Variants in LINGO2 observed in about 807,000 individuals in gnomAD.
The protein encoded by LINGO2 is leucine rich repeat and Ig domain containing 2.
LINGO2 carries 14 observed loss-of-function variants against 30.6 expected under a neutral mutation model. The ratio of observed to expected loss-of-function variants is 0.46; its 90% CI spans 0.30 to 0.72. The LOEUF (loss-of-function observed/expected upper bound fraction) is 0.72. Ranked by LOEUF, LINGO2 falls within the 30% of genes least tolerant of loss-of-function variation. The probability of loss-of-function intolerance (pLI) is 0.07; values close to 1 mark genes in which losing one functional copy is unlikely to be tolerated. For missense variants in LINGO2, 729 were observed against 751.7 expected, an observed-to-expected ratio of 0.97 and a Z score of 0.35; for synonymous variants, 317 against 288.5, an observed-to-expected ratio of 1.10 and a Z score of -1.00.
Position 28,030,248 on chromosome 9 carries a change from ACTT to A in LINGO2, c.-86-17846_-86-17844del, listed in dbSNP as rs149801115. 5.9e-3 allele frequency among the ~76,000 whole-genome samples: 899 copies of A among 152,280 alleles called. 8 individuals are homozygous for A. The highest frequency in any genetic ancestry group is 0.021 in the African/African-American group (852 of 41,558). On this transcript the variant is annotated intron_variant, in intron 4 of 5. Coordinates refer to ENST00000379992, the Ensembl canonical transcript of LINGO2. ...ACACTAACTTGGAACATGAGAAAAC[ACTT>A]CTTAAGTGAGGCCATTTCTGAGATT...
chr9:27,970,474 G>T (rs1187096589), intron 5 of LINGO2, among the ~76,000 whole-genome samples: 1 of 149,492 alleles, frequency 6.7e-6, no homozygotes, highest in African/African-American at 2.6e-5. Flanking sequence ...GAGGTTTTGA[G>T]CTGGAATTGA....
the LINGO2 span, among the ~76,000 whole-genome samples, chr9:29,025,995 TGTTC>T: frequency 6.6e-6 from 1 of 152,150 alleles, no homozygotes; most frequent in South Asian, 2.1e-4. Flanking sequence ...GAGTGAATAC[TGTTC>T]CATTGTGCAG....
At chr9:29,209,830 A>T in the LINGO2 span, among the ~76,000 whole-genome samples, 1 of 152,260 alleles carries the variant, frequency 6.6e-6, no homozygotes, top group Admixed American at 6.5e-5. Flanking sequence ...AAAGAGAAAT[A>T]TTTACATAAA....
At chr9:28,415,427 T>C (rs1311915132) in intron 2 of LINGO2, among the ~76,000 whole-genome samples, 1 of 152,208 alleles carries the variant, frequency 6.6e-6, no homozygotes, top group Non-Finnish European at 1.5e-5. Context: ...TCCCATTATA[T>C]TGACAATAAA....
At chr9:28,830,091 T>C in the LINGO2 span, among the ~76,000 whole-genome samples, 1 of 152,072 alleles carries the variant, frequency 6.6e-6, no homozygotes, top group Non-Finnish European at 1.5e-5. Context: ...ATAATAACGA[T>C]AAAAGCAGAG....
intron 3 of LINGO2, among the ~76,000 whole-genome samples, chr9:28,370,707 T>C (rs10968536): frequency 0.51 from 77,094 of 151,910 alleles, 20,961 homozygotes; most frequent in Non-Finnish European, 0.59. Context: ...GAAAGGTTTC[T>C]ATTCCAAATG....
chr9:29,061,127 A>C, the LINGO2 span, among the ~76,000 whole-genome samples: 1 of 152,038 alleles, frequency 6.6e-6, no homozygotes, highest in Non-Finnish European at 1.5e-5. Flanking sequence ...CAGCTAGGAA[A>C]AAAATTGGCA....
chr9:28,832,292 A>C, the LINGO2 span, among the ~76,000 whole-genome samples: 1 of 152,196 alleles, frequency 6.6e-6, no homozygotes, highest in African/African-American at 2.4e-5. Flanking sequence ...TACAGTTAAT[A>C]CTTCACTGCT....
At chr9:28,886,029 T>C in the LINGO2 span, among the ~76,000 whole-genome samples, 11 of 152,182 alleles carry the variant, frequency 7.2e-5, no homozygotes, top group African/African-American at 2.7e-4. Context: ...TATTTTCCTA[T>C]GGTGGGCAAA....
intron 2 of LINGO2, among the ~76,000 whole-genome samples, chr9:28,457,509 G>C (rs1278339412): frequency 6.6e-6 from 1 of 151,870 alleles, no homozygotes; most frequent in African/African-American, 2.4e-5. Context: ...AAACTCCTGG[G>C]CTCAAGCAAT....
At chr9:29,058,709 C>T in the LINGO2 span, among the ~76,000 whole-genome samples, 1 of 151,222 alleles carries the variant, frequency 6.6e-6, no homozygotes, top group Non-Finnish European at 1.5e-5. Flanking sequence ...ATTTTAGAAG[C>T]AATCAGAAAA....
intron 4 of LINGO2, among the ~76,000 whole-genome samples, chr9:28,091,223 T>C (rs1248236133): frequency 6.6e-6 from 1 of 152,154 alleles, no homozygotes; most frequent in Admixed American, 6.5e-5. Context: ...ACTTTAAAGT[T>C]CATTAGGAAC....
chr9:29,092,252 C>T, the LINGO2 span, among the ~76,000 whole-genome samples: 1 of 151,886 alleles, frequency 6.6e-6, no homozygotes, highest in Non-Finnish European at 1.5e-5. Flanking sequence ...AGTCAGGGCA[C>T]AGATCAAAGT....
At chr9:29,002,522 C>T in the LINGO2 span, among the ~76,000 whole-genome samples, 1 of 152,022 alleles carries the variant, frequency 6.6e-6, no homozygotes, top group South Asian at 2.1e-4. Context: ...AGAATCTGCA[C>T]CACTGCATAA....
At chr9:29,189,213 G>C in the LINGO2 span, among the ~76,000 whole-genome samples, 1 of 149,792 alleles carries the variant, frequency 6.7e-6, no homozygotes, top group African/African-American at 2.5e-5. Flanking sequence ...TTCCCAGTAG[G>C]GGCGGCCGGG....
chr9:29,101,184 T>G, the LINGO2 span, among the ~76,000 whole-genome samples: 1 of 152,220 alleles, frequency 6.6e-6, no homozygotes, highest in Non-Finnish European at 1.5e-5. Context: ...GATAAGAGTG[T>G]TGACACTTGG....
At chr9:28,889,871 G>C in the LINGO2 span, among the ~76,000 whole-genome samples, 1 of 152,002 alleles carries the variant, frequency 6.6e-6, no homozygotes, top group Non-Finnish European at 1.5e-5. Context: ...AGTCTTTGCA[G>C]TTTTTCTGAA....
chr9:28,399,389 TA>T (rs1245945865), intron 2 of LINGO2, among the ~76,000 whole-genome samples: 1 of 152,160 alleles, frequency 6.6e-6, no homozygotes, highest in African/African-American at 2.4e-5. Context: ...AAAAAGTATA[TA>T]AATATTGGAA....
exon 6 of LINGO2, chr9:27,949,902 G>C (rs747767275): frequency 6.2e-7 from 1 of 1,614,094 alleles, no homozygotes; most frequent in Non-Finnish European, 8.5e-7. Context: ...ATTGGTGTTG[G>C]TGACTGAAAG....
Sources: gnomAD v4.1 joint callset for allele counts (sites outside exome capture counted in the v4.1 genomes callset) on GRCh38, gnomAD v4.1.1 for gene constraint, MANE v1.5 for transcripts, NCBI Gene and HGNC (gene_info 2026-07-23, HGNC 2026-07-21) for gene names.